The following CTNNA3 variants were observed in gnomAD, a reference collection of about 807,000 sequenced individuals.
CTNNA3 encodes the protein catenin alpha-3.
In CTNNA3, 76 loss-of-function variants were observed where a neutral mutation model predicts 95.7. That is an observed-to-expected ratio of 0.79 (90% CI 0.66 to 0.96). The LOEUF (loss-of-function observed/expected upper bound fraction) is 0.96. Ranked by LOEUF, CTNNA3 falls within the 40% of genes least tolerant of loss-of-function variation. The probability of loss-of-function intolerance (pLI) is 0.00; values close to 1 mark genes in which losing one functional copy is unlikely to be tolerated. For missense variants in CTNNA3, 1,191 were observed against 1,089.8 expected, an observed-to-expected ratio of 1.09 and a Z score of -1.31; for synonymous variants, 431 against 374.4, an observed-to-expected ratio of 1.15 and a Z score of -1.74.
intron 5 of CTNNA3, among the ~76,000 whole-genome samples, chr10:67,370,288 GTGTA>G (rs1205382573): frequency 6.6e-6 from 1 of 151,898 alleles, no homozygotes; most frequent in African/African-American, 2.4e-5. Context: ...CACAAAATTT[GTGTA>G]TGTGACTCAC....
chr10:66,807,661 C>T (rs1260979987), intron 7 of CTNNA3, among the ~76,000 whole-genome samples: 1 of 152,120 alleles, frequency 6.6e-6, no homozygotes, highest in Admixed American at 6.6e-5. Context: ...TGTCTATTAG[C>T]TCAAAACTAT....
At chr10:66,748,742 G>A (rs1838991640) in intron 9 of CTNNA3, among the ~76,000 whole-genome samples, 1 of 152,124 alleles carries the variant, frequency 6.6e-6, no homozygotes, top group Non-Finnish European at 1.5e-5. Context: ...AGAAAGTACA[G>A]AGAGTTCCCA....
At chr10:66,943,865 A>G (rs1848148908) in intron 7 of CTNNA3, among the ~76,000 whole-genome samples, 1 of 152,190 alleles carries the variant, frequency 6.6e-6, no homozygotes, top group Admixed American at 6.5e-5. Flanking sequence ...ACTATGTCAA[A>G]GAAACAATGT....
chr10:66,906,153 T>C (rs1017647385), intron 7 of CTNNA3, among the ~76,000 whole-genome samples: 1 of 152,136 alleles, frequency 6.6e-6, no homozygotes, highest in Non-Finnish European at 1.5e-5. Flanking sequence ...ACAGGGAACT[T>C]GATAATGGGT....
chr10:67,744,405 G>A (rs11497974), intron 1 of CTNNA3, among the ~76,000 whole-genome samples: 18,964 of 150,884 alleles, frequency 0.13, 1,789 homozygotes, highest in Non-Finnish European at 0.16. Flanking sequence ...AATGGGGAAA[G>A]GATTCCCTAT....
In CTNNA3 at chr10:67,581,159, G is replaced by A. The variant is rs530282887; in HGVS notation, c.292+25698C>T. Among the ~76,000 whole-genome samples the A allele has an allele frequency of 1.9e-3, 282 of 152,056 alleles. 1 individual carries two copies. Among genetic ancestry groups the A allele is most frequent in the Non-Finnish European group, 3.3e-3 (224 of 67,964 alleles). ...GCTCGTTTTCAAAGGGAATGCTTCC[G>A]GTTTTCGCCCATTCAGTATGATATT... On this transcript the variant is annotated intron_variant, in intron 3 of 17. Transcript: ENST00000433211.
In CTNNA3 at chr10:66,431,371, T is replaced by A. The variant is rs957234063; in HGVS notation, c.1532-52019A>T. 2.6e-5 allele frequency among the ~76,000 whole-genome samples: 4 copies of A among 152,178 alleles called. No homozygotes were observed. The East Asian group carries it at 7.7e-4, about 29-fold the overall frequency. On this transcript the variant is annotated intron_variant, in intron 11 of 17. Transcript: ENST00000433211. ...CAGGGATCCAGAAGTGGAAATATCA[T>A]TTGGCCCAGCCATCCCATTACTGGG... is the stretch of plus-strand genomic sequence containing the variant.
chr10:66,686,326 A>C (rs10740253), intron 9 of CTNNA3, among the ~76,000 whole-genome samples: 84,113 of 151,902 alleles, frequency 0.55, 24,030 homozygotes, highest in African/African-American at 0.68. Flanking sequence ...CTAGCTGAGC[A>C]TAATGACACA....
At chr10:66,564,072 C>T (rs776088048) in intron 10 of CTNNA3, among the ~76,000 whole-genome samples, 1 of 152,064 alleles carries the variant, frequency 6.6e-6, no homozygotes, top group Non-Finnish European at 1.5e-5. Context: ...CCTCCTTAAC[C>T]TTGGCAAAAC....
At chr10:65,939,739 T>A (rs1463910333) in intron 17 of CTNNA3, among the ~76,000 whole-genome samples, 1 of 152,142 alleles carries the variant, frequency 6.6e-6, no homozygotes, top group Non-Finnish European at 1.5e-5. Flanking sequence ...AAACTACTAT[T>A]ATTGTACTGC....
chr10:66,980,431 A>T (rs1454030159), intron 7 of CTNNA3, among the ~76,000 whole-genome samples: 1 of 152,178 alleles, frequency 6.6e-6, no homozygotes, highest in East Asian at 1.9e-4. Flanking sequence ...TGGCACTGCC[A>T]CAGCTGTCAC....
intron 7 of CTNNA3, among the ~76,000 whole-genome samples, chr10:67,105,335 A>G (rs1247784183): frequency 1.3e-5 from 2 of 152,124 alleles, no homozygotes; most frequent in South Asian, 4.1e-4. Context: ...TTCTCTAGAG[A>G]GAAACTGAAT....
chr10:66,653,152 G>T (rs1845967308), intron 9 of CTNNA3, among the ~76,000 whole-genome samples: 1 of 152,090 alleles, frequency 6.6e-6, no homozygotes, highest in Non-Finnish European at 1.5e-5. Flanking sequence ...ATGGCATCCA[G>T]ATTGGAAAAG....
At chr10:66,072,305 A>G (rs1406593912) in intron 14 of CTNNA3, among the ~76,000 whole-genome samples, 2 of 152,168 alleles carry the variant, frequency 1.3e-5, no homozygotes, top group African/African-American at 2.4e-5. Context: ...TGTTGACTAC[A>G]ATTTGCCAAC....
At chr10:66,492,360 T>C (rs1839952723) in intron 11 of CTNNA3, among the ~76,000 whole-genome samples, 1 of 152,148 alleles carries the variant, frequency 6.6e-6, no homozygotes, top group Non-Finnish European at 1.5e-5. Flanking sequence ...CATAGCTCAC[T>C]GTAATCTTCA....
intron 7 of CTNNA3, among the ~76,000 whole-genome samples, chr10:66,959,287 G>A (rs998717151): frequency 6.6e-6 from 1 of 152,152 alleles, no homozygotes. Flanking sequence ...AGCATTCTCA[G>A]GGAATGCCTG....
intron 1 of CTNNA3, among the ~76,000 whole-genome samples, chr10:67,669,764 G>C (rs1409385121): frequency 6.6e-6 from 1 of 152,294 alleles, no homozygotes; most frequent in South Asian, 2.1e-4. Flanking sequence ...GAATTTTAGA[G>C]GGCTGCTGTG....
At chr10:66,299,316 A>G (rs2091827978) in intron 12 of CTNNA3, among the ~76,000 whole-genome samples, 1 of 152,192 alleles carries the variant, frequency 6.6e-6, no homozygotes, top group African/African-American at 2.4e-5. Flanking sequence ...CCTGTCTCAG[A>G]TTTTCTGAGT....
At chr10:66,921,719 T>C (rs1846798166) in intron 7 of CTNNA3, among the ~76,000 whole-genome samples, 1 of 152,074 alleles carries the variant, frequency 6.6e-6, no homozygotes, top group Non-Finnish European at 1.5e-5. Context: ...TACCTTGCAC[T>C]CCCAATCTTC....
Sources: allele counts gnomAD v4.1 joint callset (sites outside exome capture counted in the v4.1 genomes callset), GRCh38; gene constraint gnomAD v4.1.1; transcripts MANE v1.5; gene names NCBI Gene and HGNC (gene_info 2026-07-23, HGNC 2026-07-21).